EML4: variants seen among roughly 807,000 people sequenced by gnomAD.
EML4 encodes the protein echinoderm microtubule-associated protein-like 4.
In EML4, 72 loss-of-function variants were observed where a neutral mutation model predicts 129.0. That is an observed-to-expected ratio of 0.56 (90% CI 0.46 to 0.68). The LOEUF is 0.68. EML4 is among the 30% of genes least tolerant of loss of function. The pLI, the probability that EML4 is intolerant of heterozygous loss-of-function variation, is 0.00. For missense variants in EML4, 1,363 were observed against 1,190.6 expected, an observed-to-expected ratio of 1.14 and a Z score of -2.13; for synonymous variants, 532 against 405.0, an observed-to-expected ratio of 1.31 and a Z score of -3.77.
intron 9 of EML4, 84 bp from the exon 10 acceptor site, chr2:42,286,185 T>C: frequency 2.4e-6 from 2 of 823,134 alleles, no homozygotes; most frequent in South Asian, 2.7e-5. Context: ...CCTATTACTT[T>C]TTTAAATGGC....
chr2:42,175,746 A>G (rs539221188), intron 1 of EML4, among the ~76,000 whole-genome samples: 41 of 151,888 alleles, frequency 2.7e-4, no homozygotes, highest in Admixed American at 4.6e-4. Flanking sequence ...TGATCCATCC[A>G]CCTCAGCCTC....
intron 1 of EML4, among the ~76,000 whole-genome samples, chr2:42,190,362 A>G (rs1671514173): frequency 6.6e-6 from 1 of 152,168 alleles, no homozygotes; most frequent in African/African-American, 2.4e-5. Flanking sequence ...TTGAGTAGTG[A>G]TGGCAAAAGA....
intron 20 of EML4, 82 bp downstream of exon 20, chr2:42,325,636 A>G (rs922121398): frequency 1.8e-5 from 3 of 169,902 alleles, no homozygotes; most frequent in Non-Finnish European, 3.2e-5. Context: ...ATATATATAT[A>G]TATGCTAAGA....
rs556836340 is a variant in EML4, at chr2:42,198,446, T to G, written c.25+28810T>G. On this transcript the variant is annotated intron_variant, in intron 1 of 22. Coordinates refer to ENST00000318522, the MANE Select transcript of EML4 (RefSeq NM_019063.5). ...GGGGCTGGGTGTGGTGGCTAACACC[T>G]GTAATCCCAGCACTTTGGGAGGCCA... Among the ~76,000 whole-genome samples the G allele has an allele frequency of 1.5e-3, 223 of 152,266 alleles. 1 individual carries two copies. Among genetic ancestry groups the G allele is most frequent in the South Asian group, 6.2e-3 (30 of 4,826 alleles).
intron 19 of EML4, among the ~76,000 whole-genome samples, chr2:42,322,897 A>G (rs1669592962): frequency 6.6e-6 from 1 of 152,196 alleles, no homozygotes; most frequent in South Asian, 2.1e-4. Flanking sequence ...AAATACTTTC[A>G]TTTCTAAATA....
At chr2:42,177,859 T>C (rs1336542754) in intron 1 of EML4, among the ~76,000 whole-genome samples, 2 of 152,192 alleles carry the variant, frequency 1.3e-5, no homozygotes, top group Non-Finnish European at 2.9e-5. Flanking sequence ...ATGTAAAATA[T>C]CAGTACTTCG....
intron 3 of EML4, among the ~76,000 whole-genome samples, chr2:42,260,912 G>A (rs557997258): frequency 7.9e-5 from 12 of 152,232 alleles, no homozygotes; most frequent in Admixed American, 2.6e-4. Flanking sequence ...GGGGTGTATC[G>A]CCTTAGAATT....
At chr2:42,216,865 A>AC (rs1553368069) in intron 1 of EML4, among the ~76,000 whole-genome samples, 1 of 152,152 alleles carries the variant, frequency 6.6e-6, no homozygotes, top group Non-Finnish European at 1.5e-5. Context: ...AGTTTATCCT[A>AC]CCCCTCTGAC....
intron 1 of EML4, among the ~76,000 whole-genome samples, chr2:42,243,853 A>G (rs1407625636): frequency 6.6e-6 from 1 of 152,152 alleles, no homozygotes; most frequent in African/African-American, 2.4e-5. Context: ...ATTAAGTTCC[A>G]TAGCATATTA....
chr2:42,235,220 C>T (rs372748294), intron 1 of EML4, among the ~76,000 whole-genome samples: 12 of 151,464 alleles, frequency 7.9e-5, no homozygotes, highest in East Asian at 7.8e-4. Flanking sequence ...CGCTTGAACC[C>T]GGGAGGCAGA....
At chr2:42,175,105 G>A (rs1186373546) in intron 1 of EML4, among the ~76,000 whole-genome samples, 4 of 141,376 alleles carry the variant, frequency 2.8e-5, no homozygotes, top group Admixed American at 2.8e-4. Context: ...GTGCCTGGCC[G>A]TGTTTTTGTT....
chr2:42,214,934 G>T (rs1018327377), intron 1 of EML4, among the ~76,000 whole-genome samples: 2 of 152,148 alleles, frequency 1.3e-5, no homozygotes, highest in African/African-American at 4.8e-5. Flanking sequence ...AAAAAAGCAA[G>T]TCACAAGGCC....
At chr2:42,256,721 T>G in intron 3 of EML4, 91 bp downstream of exon 3, 1 of 1,470,492 alleles carries the variant, frequency 6.8e-7, no homozygotes, top group Middle Eastern at 1.8e-4. Context: ...GAAATAGAGC[T>G]GTTTGAATTC....
rs1668390538 is a variant in EML4, at chr2:42,303,197, A to G, written c.1735A>G (p.Thr579Ala). The G allele has an allele frequency of 8.7e-6, 14 of 1,614,212 alleles. No individual in the cohort carries two copies. Among genetic ancestry groups the G allele is most frequent in the Non-Finnish European group, 1.2e-5 (14 of 1,180,030 alleles). The change falls in exon 15 of 23, where the codon ACA (threonine) becomes GCA (alanine). Residue 579 changes from threonine (T) to alanine (A), a missense_variant. Thr to Ala is a moderately conservative substitution (Grantham distance 58). Coordinates refer to ENST00000318522, the MANE Select transcript of EML4 (RefSeq NM_019063.5). The stretch of plus-strand genomic sequence containing the variant: ...ATCACGAAACTTTATTTTACGAGGA[A>G]CATTTAATGATGGCTTCCAAATAGA... Reference protein sequence around the residue: ...GTSRNFILRGTFNDGFQIEVQ... With the variant: ...GTSRNFILRGAFNDGFQIEVQ...
At chr2:42,185,418 T>G (rs964597553) in intron 1 of EML4, among the ~76,000 whole-genome samples, 3 of 152,220 alleles carry the variant, frequency 2.0e-5, no homozygotes, top group Non-Finnish European at 2.9e-5. Flanking sequence ...AGAGACCAAA[T>G]GGCCTGCAGA....
intron 22 of EML4, 86 bp from the exon 23 acceptor site, chr2:42,329,647 AC>A (rs1256729418): frequency 1.9e-6 from 2 of 1,074,410 alleles, no homozygotes; most frequent in Admixed American, 4.0e-5. Context: ...AGCTGAGTTT[AC>A]CCCCCTTACG....
At chr2:42,264,683 T>C (rs1217697720) in intron 5 of EML4, 23 bp from the exon 6 acceptor site, 5 of 1,312,130 alleles carry the variant, frequency 3.8e-6, no homozygotes, top group Non-Finnish European at 5.4e-6. Flanking sequence ...AAAATAAATG[T>C]GTTTCTTAAA....
intron 1 of EML4, among the ~76,000 whole-genome samples, chr2:42,198,389 A>C (rs1672019933): frequency 6.6e-6 from 1 of 152,014 alleles, no homozygotes; most frequent in South Asian, 2.1e-4. Flanking sequence ...TTGGTGTTTA[A>C]CTCAAGAGGC....
At chr2:42,170,288 T>C (rs1670192149) in intron 1 of EML4, 1 of 152,324 alleles carries the variant, frequency 6.6e-6, no homozygotes, top group Admixed American at 6.5e-5. Flanking sequence ...ATTTGCTTAA[T>C]GCAGGAAAGG....
Sources: allele counts gnomAD v4.1 joint callset (sites outside exome capture counted in the v4.1 genomes callset), GRCh38; gene constraint gnomAD v4.1.1; transcripts MANE v1.5; gene names NCBI Gene and HGNC (gene_info 2026-07-23, HGNC 2026-07-21).